Variants in ERBB4 observed in about 807,000 individuals in gnomAD.
ERBB4 encodes erb-b2 receptor tyrosine kinase 4.
A neutral mutation model predicts 158.0 loss-of-function variants in ERBB4; 42 were observed. The ratio of observed to expected loss-of-function variants is 0.27; its 90% CI spans 0.21 to 0.34. The LOEUF (loss-of-function observed/expected upper bound fraction) is 0.34, where lower values mean the gene tolerates loss of function less well. Among genes scored for constraint, ERBB4 ranks in the 10% least tolerant of loss-of-function variants. The pLI is 1.00. For missense variants in ERBB4, 1,333 were observed against 1,624.1 expected (o/e 0.82, Z 3.08); for synonymous variants, 583 against 558.7 (o/e 1.04, Z -0.61).
chr2:212,333,722 C>G (rs1005138126), intron 1 of ERBB4, among the ~76,000 whole-genome samples: 4 of 151,526 alleles, frequency 2.6e-5, no homozygotes, highest in African/African-American at 9.7e-5. Flanking sequence ...CTTGGTCCAC[C>G]TGTATATCTA....
chr2:211,561,603 C>A (rs1044613245), intron 20 of ERBB4, among the ~76,000 whole-genome samples: 1 of 152,050 alleles, frequency 6.6e-6, no homozygotes, highest in African/African-American at 2.4e-5. Context: ...TAGACTATAC[C>A]GAAACAAATA....
chr2:212,535,631 C>A (rs1485663919), intron 1 of ERBB4, among the ~76,000 whole-genome samples: 1 of 152,078 alleles, frequency 6.6e-6, no homozygotes. Flanking sequence ...ACAAGGAAGA[C>A]GAATTTTAGA....
chr2:211,614,380 G>A (rs962464423), intron 19 of ERBB4, among the ~76,000 whole-genome samples: 4 of 151,978 alleles, frequency 2.6e-5, no homozygotes, highest in African/African-American at 9.7e-5. Context: ...ATAGTCAATG[G>A]TAACCTAATT....
At chr2:211,507,779 A>AAC (rs1199574305) in intron 20 of ERBB4, among the ~76,000 whole-genome samples, 1 of 152,144 alleles carries the variant, frequency 6.6e-6, no homozygotes, top group African/African-American at 2.4e-5. Flanking sequence ...GTGGTAACAA[A>AAC]ACAGATATAT....
chr2:211,464,749 T>C (rs1167753540), intron 20 of ERBB4, among the ~76,000 whole-genome samples: 1 of 152,090 alleles, frequency 6.6e-6, no homozygotes, highest in African/African-American at 2.4e-5. Context: ...TTTATACTCA[T>C]CATCCTTCAC....
At chr2:212,018,045 AT>A (rs1295300682) in intron 2 of ERBB4, among the ~76,000 whole-genome samples, 3 of 152,308 alleles carry the variant, frequency 2.0e-5, no homozygotes, top group African/African-American at 7.2e-5. Flanking sequence ...GGAAAATATA[AT>A]TTAGGGCTAA....
At chr2:212,288,876 G>A (rs1001852590) in intron 1 of ERBB4, among the ~76,000 whole-genome samples, 2 of 151,824 alleles carry the variant, frequency 1.3e-5, no homozygotes, top group African/African-American at 2.4e-5. Flanking sequence ...AATCTATTGT[G>A]CTATCAAATG....
At chr2:211,727,241 G>A (rs1050533596) in intron 5 of ERBB4, among the ~76,000 whole-genome samples, 1 of 152,052 alleles carries the variant, frequency 6.6e-6, no homozygotes, top group Non-Finnish European at 1.5e-5. Context: ...CACCTAATAG[G>A]ATTGAAGATA....
At chr2:211,820,727 A>G (rs1373398693) in intron 3 of ERBB4, among the ~76,000 whole-genome samples, 1 of 151,924 alleles carries the variant, frequency 6.6e-6, no homozygotes, top group Non-Finnish European at 1.5e-5. Context: ...CACACTAAAA[A>G]GATAATACAT....
chr2:212,258,307 A>G (rs1392981887), intron 1 of ERBB4, among the ~76,000 whole-genome samples: 2 of 151,948 alleles, frequency 1.3e-5, no homozygotes, highest in Admixed American at 1.3e-4. Flanking sequence ...AACAAAAATC[A>G]AAGAAAATAA....
At chr2:211,562,166 T>C (rs2067414454) in intron 19 of ERBB4, 78 bp from the exon 20 acceptor site, 19 of 1,229,136 alleles carry the variant, frequency 1.5e-5, no homozygotes, top group Non-Finnish European at 2.2e-5. Context: ...GTACTAATGG[T>C]GCTGATGATT....
At chr2:211,579,802 G>A (rs2068012664) in intron 19 of ERBB4, among the ~76,000 whole-genome samples, 1 of 151,866 alleles carries the variant, frequency 6.6e-6, no homozygotes, top group Admixed American at 6.6e-5. Flanking sequence ...CTGTCAGGGG[G>A]TGGGGTTGGG....
intron 20 of ERBB4, among the ~76,000 whole-genome samples, chr2:211,439,094 C>T (rs2063918685): frequency 6.6e-6 from 1 of 151,926 alleles, no homozygotes; most frequent in Non-Finnish European, 1.5e-5. Context: ...AGGACCTGGA[C>T]ATTCAGCTGG....
At chr2:212,490,213 TCTATATA>T (rs1246978191) in intron 1 of ERBB4, among the ~76,000 whole-genome samples, 15 of 151,900 alleles carry the variant, frequency 9.9e-5, no homozygotes, top group Admixed American at 8.5e-4. Context: ...TTTCTATTAA[TCTATATA>T]CTATAGTTTG....
intron 14 of ERBB4, among the ~76,000 whole-genome samples, chr2:211,668,381 A>G (rs578031303): frequency 6.6e-6 from 1 of 152,336 alleles, no homozygotes; most frequent in African/African-American, 2.4e-5. Flanking sequence ...AGAGACTTAA[A>G]GAAATATACC....
At chr2:211,414,520 A>G (rs1300078450) in intron 25 of ERBB4, among the ~76,000 whole-genome samples, 18 of 146,998 alleles carry the variant, frequency 1.2e-4, no homozygotes, top group Non-Finnish European at 7.5e-5. Flanking sequence ...AAAAAAAAAA[A>G]AAAGAAAAGA....
intron 1 of ERBB4, among the ~76,000 whole-genome samples, chr2:212,229,528 A>G (rs542561635): frequency 1.1e-4 from 17 of 152,354 alleles, no homozygotes; most frequent in African/African-American, 4.1e-4. Flanking sequence ...AATCAAGCTC[A>G]GTATTTAACT....
intron 1 of ERBB4, among the ~76,000 whole-genome samples, chr2:212,240,983 T>C (rs1023198234): frequency 2.0e-5 from 3 of 152,190 alleles, no homozygotes; most frequent in Non-Finnish European, 2.9e-5. Context: ...TATCTAACCA[T>C]GGAGAAAATT....
At chr2:211,647,517 C>T (rs1456020495) in intron 16 of ERBB4, among the ~76,000 whole-genome samples, 2 of 151,604 alleles carry the variant, frequency 1.3e-5, no homozygotes, top group Non-Finnish European at 3.0e-5. Flanking sequence ...CACCCTTCTA[C>T]TGTGAGAAAT....
Sources: allele counts gnomAD v4.1 joint callset (sites outside exome capture counted in the v4.1 genomes callset), GRCh38; gene constraint gnomAD v4.1.1; transcripts MANE v1.5; gene names NCBI Gene and HGNC (gene_info 2026-07-23, HGNC 2026-07-21).